RAB15: variants seen among roughly 807,000 people sequenced by gnomAD.
RAB15 encodes the protein RAB15, member RAS oncogene family, also known as ras-related protein Rab-15.
A neutral mutation model predicts 31.8 loss-of-function variants in RAB15; 13 were observed. The ratio of observed to expected loss-of-function variants is 0.41; its 90% CI spans 0.27 to 0.65. The LOEUF (loss-of-function observed/expected upper bound fraction) is 0.65, where lower values mean the gene tolerates loss of function less well. RAB15 is among the 30% of genes least tolerant of loss of function. RAB15 has a pLI of 0.32. For missense variants in RAB15, 220 were observed against 277.3 expected (o/e 0.79, Z 1.47); for synonymous variants, 100 against 105.6 (o/e 0.95, Z 0.33).
At chr14:64,967,200 CAGA>C (rs1182045927) in intron 1 of RAB15, among the ~76,000 whole-genome samples, 3 of 152,208 alleles carry the variant, frequency 2.0e-5, no homozygotes, top group South Asian at 2.1e-4. Context: ...CCTCCTCACC[CAGA>C]AGGAGTGTAG....
chr14:64,969,708 C>G (rs1465162610), intron 1 of RAB15, among the ~76,000 whole-genome samples: 3 of 152,174 alleles, frequency 2.0e-5, no homozygotes, highest in Non-Finnish European at 4.4e-5. Flanking sequence ...TGAGGGGAGA[C>G]AGTGCTGCAG....
At position 64,953,948 on chromosome 14, in the gene RAB15, T is replaced by C. The variant is rs1449214040; in HGVS notation, c.125-1377A>G. On this transcript the variant is annotated intron_variant, in intron 1 of 6. Coordinates refer to ENST00000533601, the MANE Select transcript of RAB15 (RefSeq NM_001308154.2). This position sits in a 1 kb window ranked among gnomAD's most constrained non-coding sequence, Gnocchi z 4.6. ...TCCCCATCACCACTGCCACTCCACCTCCGCATCAGTTATTTGCCAAATGGG... is the reference window on the plus strand; with the variant it reads ...TCCCCATCACCACTGCCACTCCACCCCCGCATCAGTTATTTGCCAAATGGG... 1 of 985,286 alleles carries C rather than the reference T, an allele frequency of 1.0e-6. No homozygotes were observed. The highest frequency in any genetic ancestry group is 1.2e-6 in the Non-Finnish European group (1 of 829,930). 61.0% of individuals were successfully genotyped at this position (985,286 alleles called of 1,614,324 possible). A position where few individuals can be genotyped will look rare whatever the true frequency, so the allele number is the denominator to read the frequency against.
At position 64,950,995 on chromosome 14, in the gene RAB15, C is replaced by T. The variant is rs1427391844; in HGVS notation, c.324+79G>A. On this transcript the variant is annotated intron_variant, in intron 4 of 6. Transcript: ENST00000533601. This position sits in a 1 kb window ranked among gnomAD's most constrained non-coding sequence, Gnocchi z 5.6. The stretch of plus-strand genomic sequence containing the variant: ...AGGCAAAGCTTCCTGGAAGCATTTG[C>T]CTTCCCATCTGGCCCTCGCCTTGCC... 1.9e-6 allele frequency: 3 copies of T among 1,614,008 alleles called. No individual in the cohort carries two copies. The highest frequency in any genetic ancestry group is 1.1e-5 in the South Asian group (1 of 91,084).
chr14:64,966,197 T>C (rs1280080459), intron 1 of RAB15, among the ~76,000 whole-genome samples: 2 of 152,198 alleles, frequency 1.3e-5, no homozygotes, highest in African/African-American at 2.4e-5. Context: ...TTGGTTTCTG[T>C]CTGTTTTGGT....
At chr14:64,949,541 C>T (rs1886113477) in intron 5 of RAB15, among the ~76,000 whole-genome samples, 1 of 151,848 alleles carries the variant, frequency 6.6e-6, no homozygotes, top group African/African-American at 2.4e-5. Flanking sequence ...GCCAATATGG[C>T]AAAACCCCAT....
chr14:64,971,240 C>T lies in RAB15; in HGVS notation c.124+713G>A, dbSNP rs529249746. 6.6e-6 allele frequency among the ~76,000 whole-genome samples: 1 copy of T among 152,332 alleles called. No homozygotes were observed. Among genetic ancestry groups the T allele is most frequent in the Non-Finnish European group, 1.5e-5 (1 of 68,026 alleles). ...CGGGTCTTGTCCCTCTAACCACAGG[C>T]TCCAGCACTGCCAGATGAGAGATGC... On this transcript the variant is annotated intron_variant, in intron 1 of 6. Coordinates refer to ENST00000533601, the MANE Select transcript of RAB15 (RefSeq NM_001308154.2). The surrounding 1 kb of genome is among the most constrained non-coding windows in gnomAD (Gnocchi z 4.1).
In RAB15 at chr14:64,971,225, C is replaced by G. The variant is rs1339058826; in HGVS notation, c.124+728G>C. Among the ~76,000 whole-genome samples the G allele has an allele frequency of 6.6e-6, 1 of 152,184 alleles. No individual in the cohort carries two copies. Among genetic ancestry groups the G allele is most frequent in the Non-Finnish European group, 1.5e-5 (1 of 68,018 alleles). On this transcript the variant is annotated intron_variant, in intron 1 of 6. Transcript: ENST00000533601. This position sits in a 1 kb window ranked among gnomAD's most constrained non-coding sequence, Gnocchi z 4.1. ...TGTCTGGGATGCCACCGGGTCTTGT[C>G]CCTCTAACCACAGGCTCCAGCACTG... is the stretch of plus-strand genomic sequence containing the variant.
In RAB15 at chr14:64,953,108, A is replaced by G. The variant is rs538459741; in HGVS notation, c.125-537T>C. 1.6e-4 allele frequency among the ~76,000 whole-genome samples: 25 copies of G among 152,298 alleles called. No homozygotes were observed. Among genetic ancestry groups the G allele is most frequent in the African/African-American group, 6.0e-4 (25 of 41,564 alleles). ...TACCTGAAGCCTCAGCACCCAGCCA[A>G]GGCTCACCAAAAAGAAGGCCTCATG... On this transcript the variant is annotated intron_variant, in intron 1 of 6. Transcript: ENST00000533601. This position sits in a 1 kb window ranked among gnomAD's most constrained non-coding sequence, Gnocchi z 4.6.
At chr14:64,949,573 A>G (rs919271933) in intron 5 of RAB15, among the ~76,000 whole-genome samples, 6 of 152,074 alleles carry the variant, frequency 3.9e-5, no homozygotes, top group Non-Finnish European at 7.4e-5. Context: ...ATACAAAAAA[A>G]TTAGCCAGGC....
At position 64,950,057 on chromosome 14, in the gene RAB15, G is replaced by A. The variant is rs1886161669; in HGVS notation, c.414+268C>T. Among the ~76,000 whole-genome samples the A allele has an allele frequency of 1.3e-5, 2 of 152,142 alleles. No homozygotes were observed. The highest frequency in any genetic ancestry group is 1.5e-5 in the Non-Finnish European group (1 of 68,026). The stretch of plus-strand genomic sequence containing the variant: ...CACGGGGATGATCTCTTAAGCAGAG[G>A]GCAATCCTGCATTTGGGGACCTGGA... On this transcript the variant is annotated intron_variant, in intron 5 of 6. Coordinates refer to ENST00000533601, the MANE Select transcript of RAB15 (RefSeq NM_001308154.2). The surrounding 1 kb of genome is among the most constrained non-coding windows in gnomAD (Gnocchi z 5.6).
rs1398265844 is a variant in RAB15 at position 64,946,399 on chromosome 14, C to T, written c.*1955G>A. On this transcript the variant is annotated 3_prime_UTR_variant, in exon 7 of 7. Coordinates refer to ENST00000533601, the MANE Select transcript of RAB15 (RefSeq NM_001308154.2). The stretch of plus-strand genomic sequence containing the variant: ...CTGGCATCACCTACTTCCCTAGCCC[C>T]AGTGTGATGTGGCATAGGTCTTGAT... 6.6e-6 allele frequency: 1 copy of T among 152,172 alleles called. No homozygotes were observed. Among genetic ancestry groups the T allele is most frequent in the Non-Finnish European group, 1.5e-5 (1 of 68,018 alleles). The allele number at this position is 152,172 out of a possible 1,614,324, so 9.4% of individuals were successfully genotyped here. A position where few individuals can be genotyped will look rare whatever the true frequency, so the allele number is the denominator to read the frequency against.
At position 64,970,659 on chromosome 14, in the gene RAB15, T is replaced by C. The variant is rs964021626; in HGVS notation, c.124+1294A>G. On this transcript the variant is annotated intron_variant, in intron 1 of 6. Transcript: ENST00000533601. The surrounding 1 kb of genome is among the most constrained non-coding windows in gnomAD (Gnocchi z 4.1). ...GCTGTGCTAAGCACTTAACAATCGT[T>C]ATCTCATTTAATCTTGACAACAACT... Among the ~76,000 whole-genome samples, 4 of 152,234 alleles carry C rather than the reference T, an allele frequency of 2.6e-5. No homozygotes were observed. Among genetic ancestry groups the C allele is most frequent in the African/African-American group, 9.6e-5 (4 of 41,456 alleles).
At chr14:64,961,197 A>T (rs1886835044) in intron 1 of RAB15, among the ~76,000 whole-genome samples, 1 of 152,216 alleles carries the variant, frequency 6.6e-6, no homozygotes, top group Non-Finnish European at 1.5e-5. Context: ...GTTACCAAGC[A>T]CAGGTCCCAG....
Position 64,950,918 on chromosome 14 carries a change from G to A in RAB15, c.324+156C>T, listed in dbSNP as rs746797993. The A allele has an allele frequency of 5.8e-6, 9 of 1,540,946 alleles. No individual in the cohort carries two copies. The highest frequency in any genetic ancestry group is 4.6e-5 in the South Asian group (4 of 87,866). On this transcript the variant is annotated intron_variant, in intron 4 of 6. Coordinates refer to ENST00000533601, the MANE Select transcript of RAB15 (RefSeq NM_001308154.2). The surrounding 1 kb of genome is among the most constrained non-coding windows in gnomAD (Gnocchi z 5.6). ...TAGAGAGTGAGGGCATGGCAGCTTC[G>A]GTTTCTTCCCCATGTCTTACTCACC...
At position 64,953,009 on chromosome 14, in the gene RAB15, G is replaced by T. The variant is rs2139973040; in HGVS notation, c.125-438C>A. Among the ~76,000 whole-genome samples the T allele has an allele frequency of 6.6e-6, 1 of 152,232 alleles. No individual in the cohort carries two copies. Among genetic ancestry groups the T allele is most frequent in the African/African-American group, 2.4e-5 (1 of 41,528 alleles). On this transcript the variant is annotated intron_variant, in intron 1 of 6. Transcript: ENST00000533601. The surrounding 1 kb of genome is among the most constrained non-coding windows in gnomAD (Gnocchi z 4.6). ...CCTGCTTTCTTCCCTCTCTCTCTTTGCCTTGTTAATAACCAGAAGGGGTCA... is the reference window on the plus strand; with the variant it reads ...CCTGCTTTCTTCCCTCTCTCTCTTTTCCTTGTTAATAACCAGAAGGGGTCA...
In RAB15 at chr14:64,962,581, G is replaced by A. The variant is rs553247546; in HGVS notation, c.124+9372C>T. Among the ~76,000 whole-genome samples, 4 of 152,326 alleles carry A rather than the reference G, an allele frequency of 2.6e-5. No homozygotes were observed. The highest frequency in any genetic ancestry group is 6.5e-5 in the Admixed American group (1 of 15,298). On this transcript the variant is annotated intron_variant, in intron 1 of 6. Transcript: ENST00000533601. The surrounding 1 kb of genome is among the most constrained non-coding windows in gnomAD (Gnocchi z 4.2). ...AGCAACCTTAGACTGGCTGGCCAGA[G>A]AAGACATTTTAAAGGAGGTAACATT...
chr14:64,966,447 C>T (rs189253681), intron 1 of RAB15, among the ~76,000 whole-genome samples: 4 of 151,556 alleles, frequency 2.6e-5, no homozygotes, highest in African/African-American at 7.3e-5. Flanking sequence ...CACTTAAACC[C>T]GGGAGATGGA....
intron 1 of RAB15, among the ~76,000 whole-genome samples, chr14:64,964,859 G>C (rs1887048796): frequency 6.6e-6 from 1 of 152,120 alleles, no homozygotes; most frequent in African/African-American, 2.4e-5. Flanking sequence ...ACAGGCGTGA[G>C]CCACCGCACC....
At position 64,950,699 on chromosome 14, in the gene RAB15, T is replaced by C. The variant is rs1886199815; in HGVS notation, c.325-285A>G. ...ACATTGGATGTAAGTCCAGCCCTCA[T>C]TCTACAGGAACTGGGGACCCAGAGG... On this transcript the variant is annotated intron_variant, in intron 4 of 6. Transcript: ENST00000533601. This position sits in a 1 kb window ranked among gnomAD's most constrained non-coding sequence, Gnocchi z 5.6. 3.4e-6 allele frequency: 2 copies of C among 595,274 alleles called. No individual in the cohort carries two copies. Among genetic ancestry groups the C allele is most frequent in the South Asian group, 4.1e-5 (2 of 49,010 alleles). The allele number at this position is 595,274 out of a possible 1,614,324, so 36.9% of individuals were successfully genotyped here.
Sources: gnomAD v4.1 joint callset for allele counts (sites outside exome capture counted in the v4.1 genomes callset) on GRCh38, gnomAD v4.1.1 for gene constraint, Gnocchi (gnomAD v3.1) non-coding constraint, MANE v1.5 for transcripts, NCBI Gene and HGNC (gene_info 2026-07-23, HGNC 2026-07-21) for gene names.